Variants in MAD1L1 observed in about 807,000 individuals in gnomAD.
The protein encoded by MAD1L1 is mitotic spindle assembly checkpoint protein MAD1.
A neutral mutation model predicts 96.9 loss-of-function variants in MAD1L1; 95 were observed. The ratio of observed to expected loss-of-function variants is 0.98; its 90% CI spans 0.83 to 1.16. The LOEUF is 1.16. MAD1L1 is among the 50% of genes most tolerant of loss of function. The pLI is 0.00. For missense variants in MAD1L1, 1,007 were observed against 954.4 expected, an observed-to-expected ratio of 1.06 and a Z score of -0.73; for synonymous variants, 473 against 396.6, an observed-to-expected ratio of 1.19 and a Z score of -2.29.
chr7:2,220,817 G>A (rs1009279434), intron 5 of MAD1L1: 26 of 1,430,100 alleles, frequency 1.8e-5, no homozygotes, highest in Non-Finnish European at 2.4e-5. Flanking sequence ...AAAGAAGAAA[G>A]GTATTAAAAA....
In MAD1L1 at chr7:2,190,817, G is replaced by T. The variant is rs180895666; in HGVS notation, c.986+22395C>A. Among the ~76,000 whole-genome samples the T allele has an allele frequency of 4.8e-3, 725 of 152,254 alleles. 9 individuals are homozygous for T. Among genetic ancestry groups the T allele is most frequent in the African/African-American group, 0.016 (685 of 41,536 alleles). On this transcript the variant is annotated intron_variant, in intron 10 of 18. Coordinates refer to ENST00000265854, the MANE Select transcript of MAD1L1 (RefSeq NM_001013836.2). Reference sequence around the variant, plus strand: ...CCAATGAATGCATTCGGGATGCGGGGCCAGCGGAATTCAATGAAAGAGCTC... The same window carrying T: ...CCAATGAATGCATTCGGGATGCGGGTCCAGCGGAATTCAATGAAAGAGCTC...
intron 18 of MAD1L1, among the ~76,000 whole-genome samples, chr7:1,895,609 C>T (rs34296663): frequency 0.3 from 45,456 of 152,294 alleles, 8,074 homozygotes; most frequent in East Asian, 0.45. Flanking sequence ...TTCCCTGACA[C>T]TGTCCACCTG....
chr7:2,079,840 C>G, intron 11 of MAD1L1: 1 of 448,712 alleles, frequency 2.2e-6, no homozygotes, highest in South Asian at 1.7e-5. Flanking sequence ...GGGCAAGTCA[C>G]CTCCCCAGGC....
intron 12 of MAD1L1, among the ~76,000 whole-genome samples, chr7:2,059,991 A>G (rs980268036): frequency 7.2e-5 from 11 of 152,206 alleles, no homozygotes; most frequent in Non-Finnish European, 1.3e-4. Flanking sequence ...AAAGGCCATC[A>G]AGGTAAATGG....
At chr7:2,026,949 G>C (rs932842436) in intron 12 of MAD1L1, among the ~76,000 whole-genome samples, 5 of 151,980 alleles carry the variant, frequency 3.3e-5, no homozygotes, top group African/African-American at 9.7e-5. Context: ...AAAGCCAAAA[G>C]ATGGTTCCTC....
intron 10 of MAD1L1, among the ~76,000 whole-genome samples, chr7:2,158,608 C>T (rs944515495): frequency 3.9e-5 from 6 of 152,166 alleles, no homozygotes; most frequent in Non-Finnish European, 8.8e-5. Context: ...AGCAAAACCT[C>T]AGTGCTACAA....
At chr7:2,115,295 T>C (rs1471696643) in intron 11 of MAD1L1, among the ~76,000 whole-genome samples, 1 of 144,764 alleles carries the variant, frequency 6.9e-6, no homozygotes, top group Non-Finnish European at 1.5e-5. Flanking sequence ...TCCCCGCGTG[T>C]TCCGGGGTCA....
intron 17 of MAD1L1, among the ~76,000 whole-genome samples, chr7:1,906,288 C>T (rs1787627583): frequency 6.6e-6 from 1 of 152,212 alleles, no homozygotes; most frequent in Non-Finnish European, 1.5e-5. Flanking sequence ...CTCCTGCTAC[C>T]CCGTCCAGGA....
At chr7:1,892,231 C>A (rs999315422) in intron 18 of MAD1L1, among the ~76,000 whole-genome samples, 5 of 152,210 alleles carry the variant, frequency 3.3e-5, no homozygotes, top group African/African-American at 4.8e-5. Context: ...GCCGGCTAAA[C>A]CATGCGGCCC....
chr7:2,211,953 C>T (rs1792968251), intron 10 of MAD1L1, among the ~76,000 whole-genome samples: 1 of 152,222 alleles, frequency 6.6e-6, no homozygotes, highest in Non-Finnish European at 1.5e-5. Context: ...CAATAAGAGG[C>T]CGCCTCGGCA....
chr7:2,218,734 G>A (rs181761487), intron 6 of MAD1L1, among the ~76,000 whole-genome samples: 1,851 of 151,884 alleles, frequency 0.012, 28 homozygotes, highest in Non-Finnish European at 0.02. Context: ...AAGCGAGACC[G>A]CCATCTCTAC....
chr7:2,114,344 G>A lies in MAD1L1; in HGVS notation c.1073+34808C>T, dbSNP rs1166678295. On this transcript the variant is annotated intron_variant, in intron 11 of 18. Transcript: ENST00000265854. The surrounding 1 kb of genome is among the most constrained non-coding windows in gnomAD (Gnocchi z 4.2). ...CACGGTCTGAGCAGGGAACCAGGGG[G>A]CCTTCCCTACACAGAGCACAGCTCC... 6.6e-6 allele frequency among the ~76,000 whole-genome samples: 1 copy of A among 152,168 alleles called. No individual in the cohort carries two copies. Among genetic ancestry groups the A allele is most frequent in the Non-Finnish European group, 1.5e-5 (1 of 68,038 alleles).
At chr7:1,851,544 G>A (rs753212524) in intron 18 of MAD1L1, among the ~76,000 whole-genome samples, 7 of 152,142 alleles carry the variant, frequency 4.6e-5, no homozygotes, top group Non-Finnish European at 7.4e-5. Flanking sequence ...GGGACAGCAC[G>A]GCTAGTCTGA....
At chr7:1,979,550 G>A (rs950677627) in intron 15 of MAD1L1, among the ~76,000 whole-genome samples, 1 of 152,230 alleles carries the variant, frequency 6.6e-6, no homozygotes, top group African/African-American at 2.4e-5. Flanking sequence ...ACCTGCATCT[G>A]CCTGGAAACC....
At chr7:2,078,069 C>T (rs1785464113) in intron 11 of MAD1L1, among the ~76,000 whole-genome samples, 1 of 152,190 alleles carries the variant, frequency 6.6e-6, no homozygotes, top group African/African-American at 2.4e-5. Flanking sequence ...GAAGGGCCCC[C>T]ACTCACCACA....
intron 10 of MAD1L1, among the ~76,000 whole-genome samples, chr7:2,175,740 G>C (rs944940043): frequency 3.3e-5 from 5 of 152,100 alleles, no homozygotes; most frequent in Admixed American, 6.5e-5. Context: ...CCACAGAAAG[G>C]GTGGGGCTCA....
At chr7:1,841,135 C>T (rs71523261) in intron 18 of MAD1L1, among the ~76,000 whole-genome samples, 4,390 of 152,304 alleles carry the variant, frequency 0.029, 108 homozygotes, top group Middle Eastern at 0.12. Flanking sequence ...GAGCACGTCC[C>T]GATAACCTGG....
intron 15 of MAD1L1, among the ~76,000 whole-genome samples, chr7:1,973,466 TCAC>T (rs1780492666): frequency 6.6e-6 from 1 of 151,864 alleles, no homozygotes; most frequent in Non-Finnish European, 1.5e-5. Flanking sequence ...CGTACCCCAC[TCAC>T]GAGGGCCACG....
intron 18 of MAD1L1, among the ~76,000 whole-genome samples, chr7:1,887,229 A>C (rs1167881470): frequency 6.6e-6 from 1 of 151,506 alleles, no homozygotes; most frequent in Non-Finnish European, 1.5e-5. Context: ...GTGTGTGAGC[A>C]TGTGTATGTG....
Sources: gnomAD v4.1 joint callset for allele counts (sites outside exome capture counted in the v4.1 genomes callset) on GRCh38, gnomAD v4.1.1 for gene constraint, Gnocchi (gnomAD v3.1) non-coding constraint, MANE v1.5 for transcripts, NCBI Gene and HGNC (gene_info 2026-07-23, HGNC 2026-07-21) for gene names.